Variants in SORCS3 observed in about 807,000 individuals in gnomAD.
SORCS3 encodes the protein VPS10 domain-containing receptor SorCS3.
A neutral mutation model predicts 146.3 loss-of-function variants in SORCS3; 57 were observed. The observed-to-expected ratio is 0.39, with a 90% CI of 0.31 to 0.49. The LOEUF (loss-of-function observed/expected upper bound fraction) is 0.49, where lower values mean the gene tolerates loss of function less well. Among genes scored for constraint, SORCS3 ranks in the 20% least tolerant of loss-of-function variants. The pLI is 0.92. For synonymous variants in SORCS3, 653 were observed against 618.5 expected (o/e 1.06, Z -0.83); for missense variants, 1,341 against 1,575.5 (o/e 0.85, Z 2.52).
chr10:105,014,762 G>A (rs1331242919), intron 4 of SORCS3, among the ~76,000 whole-genome samples: 1 of 152,126 alleles, frequency 6.6e-6, no homozygotes, highest in Admixed American at 6.5e-5. Flanking sequence ...AAAGTGATTA[G>A]GTCATGAATG....
At chr10:104,969,405 T>G (rs2054846143) in intron 3 of SORCS3, among the ~76,000 whole-genome samples, 1 of 151,754 alleles carries the variant, frequency 6.6e-6, no homozygotes, top group African/African-American at 2.4e-5. Context: ...AATAGGCAAG[T>G]TGCTTTTCTC....
intron 2 of SORCS3, among the ~76,000 whole-genome samples, chr10:104,847,887 T>C (rs1346527396): frequency 6.6e-6 from 1 of 151,952 alleles, no homozygotes; most frequent in African/African-American, 2.4e-5. Context: ...TGCACCATAA[T>C]TGATTATGAT....
intron 7 of SORCS3, among the ~76,000 whole-genome samples, chr10:105,105,850 C>T (rs1353795719): frequency 1.3e-5 from 2 of 152,166 alleles, no homozygotes; most frequent in Non-Finnish European, 2.9e-5. Flanking sequence ...CCCAAAGTGA[C>T]TTGTATAACT....
At chr10:104,955,096 G>T (rs1053612993) in intron 3 of SORCS3, among the ~76,000 whole-genome samples, 1 of 152,060 alleles carries the variant, frequency 6.6e-6, no homozygotes, top group African/African-American at 2.4e-5. Context: ...GCACAATGTG[G>T]TGTAATCACT....
intron 2 of SORCS3, among the ~76,000 whole-genome samples, chr10:104,880,042 T>G (rs1386467632): frequency 6.6e-6 from 1 of 152,282 alleles, no homozygotes; most frequent in South Asian, 2.1e-4. Flanking sequence ...TTTGATTCAC[T>G]TCCTCATCAT....
At chr10:105,133,656 A>G (rs11192333) in intron 7 of SORCS3, among the ~76,000 whole-genome samples, 73,548 of 151,946 alleles carry the variant, frequency 0.48, 18,351 homozygotes, top group Non-Finnish European at 0.54. Flanking sequence ...AAAATATAGC[A>G]CCAGACTAGA....
At chr10:104,996,399 C>T (rs2055027538) in intron 4 of SORCS3, among the ~76,000 whole-genome samples, 1 of 152,090 alleles carries the variant, frequency 6.6e-6, no homozygotes, top group African/African-American at 2.4e-5. Flanking sequence ...TACTTTTTAG[C>T]TTATAGATCT....
At chr10:104,782,288 C>T (rs2017382782) in intron 1 of SORCS3, among the ~76,000 whole-genome samples, 2 of 152,174 alleles carry the variant, frequency 1.3e-5, no homozygotes, top group South Asian at 4.2e-4. Context: ...GCATTGCTCA[C>T]CCATGCTGAG....
intron 1 of SORCS3, among the ~76,000 whole-genome samples, chr10:104,752,655 A>G (rs1589485590): frequency 6.6e-6 from 1 of 152,338 alleles, no homozygotes; most frequent in Non-Finnish European, 1.5e-5. Context: ...ACATCTGTGC[A>G]GTGATTAAAA....
chr10:104,783,732 A>G (rs954341521), intron 1 of SORCS3, among the ~76,000 whole-genome samples: 1 of 151,888 alleles, frequency 6.6e-6, no homozygotes, highest in African/African-American at 2.4e-5. Context: ...GTCTCAAAAA[A>G]GAGAGAGAGA....
At chr10:104,724,339 A>G (rs1365792906) in intron 1 of SORCS3, among the ~76,000 whole-genome samples, 1 of 152,166 alleles carries the variant, frequency 6.6e-6, no homozygotes, top group Admixed American at 6.5e-5. Context: ...TTCTGCCGAG[A>G]GATCAGCTGT....
chr10:104,958,818 T>G (rs1447158006), intron 3 of SORCS3, among the ~76,000 whole-genome samples: 1 of 151,804 alleles, frequency 6.6e-6, no homozygotes, highest in Non-Finnish European at 1.5e-5. Flanking sequence ...TGGTGGAAGG[T>G]GAAGGGGAAG....
intron 5 of SORCS3, among the ~76,000 whole-genome samples, chr10:105,065,490 A>G (rs533647760): frequency 2.4e-4 from 37 of 152,244 alleles, no homozygotes; most frequent in African/African-American, 8.2e-4. Context: ...GAACCCTTCC[A>G]GTGCTAAAAG....
chr10:104,641,442 G>A lies in SORCS3; in HGVS notation c.115G>A (p.Ala39Thr), dbSNP rs1360566197. 2.0e-5 allele frequency: 30 copies of A among 1,470,226 alleles called. No individual in the cohort carries two copies. Among genetic ancestry groups the A allele is most frequent in the African/African-American group, 7.3e-5 (5 of 68,154 alleles). 91.1% of individuals were successfully genotyped at this position (1,470,226 alleles called of 1,614,324 possible). A position where few individuals can be genotyped will look rare whatever the true frequency, so the allele number is the denominator to read the frequency against. The change falls in exon 1 of 27, where the codon GCG becomes ACG. Residue 39 changes from alanine to threonine, a missense_variant. Ala to Thr is a moderately conservative substitution (Grantham distance 58). Transcript: ENST00000369701. This position sits in a 1 kb window ranked among gnomAD's most constrained non-coding sequence, Gnocchi z 6.4. ...VLAGAEITWDATGGPGRPAAP... is the reference protein window; with the variant it reads ...VLAGAEITWDTTGGPGRPAAP... The stretch of plus-strand genomic sequence containing the variant: ...GGCCGGCGCCGAGATCACTTGGGAC[G>A]CGACAGGCGGTCCCGGACGCCCGGC...
At chr10:104,728,119 G>T (rs1260824796) in intron 1 of SORCS3, among the ~76,000 whole-genome samples, 1 of 149,592 alleles carries the variant, frequency 6.7e-6, no homozygotes, top group Non-Finnish European at 1.5e-5. Flanking sequence ...ATACCATCAG[G>T]TTTTTTTTTC....
At chr10:105,251,176 C>T (rs908978829) in intron 22 of SORCS3, among the ~76,000 whole-genome samples, 1 of 152,082 alleles carries the variant, frequency 6.6e-6, no homozygotes, top group Non-Finnish European at 1.5e-5. Flanking sequence ...CTGGGGAGGC[C>T]TCAGGAAACT....
chr10:105,187,303 C>T lies in SORCS3; in HGVS notation c.2009+9130C>T. Among the ~76,000 whole-genome samples the T allele has an allele frequency of 1.3e-5, 2 of 152,130 alleles. 1 individual carries two copies. ...ATCATTGTATTGTGTAACTAACAGTCTCCACTTACAGGATTCTTGCTGTTG... is the reference window on the plus strand; with the variant it reads ...ATCATTGTATTGTGTAACTAACAGTTTCCACTTACAGGATTCTTGCTGTTG... On this transcript the variant is annotated intron_variant, in intron 14 of 26. Transcript: ENST00000369701.
rs34217607 is a variant in SORCS3 at position 105,061,295 on chromosome 10, C to CT, written c.1028+18184dup. Reference sequence around the variant, plus strand: ...GGGAGAGATGTTTTAAGTGGTGTTCCTTTTTTTTTTTTTTTTTGAGGTGGA... The same window carrying CT: ...GGGAGAGATGTTTTAAGTGGTGTTCCTTTTTTTTTTTTTTTTTTGAGGTGGA... On this transcript the variant is annotated intron_variant, in intron 5 of 26. Coordinates refer to ENST00000369701, the MANE Select transcript of SORCS3 (RefSeq NM_014978.3). 5.1e-5 allele frequency among the ~76,000 whole-genome samples: 6 copies of CT among 118,440 alleles called. No individual in the cohort carries two copies. In the East Asian group the frequency reaches 1.1e-3, roughly 21 times the overall value. 77.7% of individuals were successfully genotyped at this position (118,440 alleles called of 152,430 possible).
At chr10:105,155,902 T>C (rs1294800439) in intron 9 of SORCS3, among the ~76,000 whole-genome samples, 1 of 152,232 alleles carries the variant, frequency 6.6e-6, no homozygotes, top group East Asian at 1.9e-4. Context: ...TTTGTTTGTT[T>C]ATTCTTATTT....
Sources: allele counts gnomAD v4.1 joint callset (sites outside exome capture counted in the v4.1 genomes callset), GRCh38; gene constraint gnomAD v4.1.1; non-coding constraint Gnocchi (gnomAD v3.1); transcripts MANE v1.5; gene names NCBI Gene and HGNC (gene_info 2026-07-23, HGNC 2026-07-21).